The following SPAG6 variants were observed in gnomAD, a reference collection of about 807,000 sequenced individuals.
The protein encoded by SPAG6 is sperm associated antigen 6.
In SPAG6, 49 loss-of-function variants were observed where a neutral mutation model predicts 58.5. That is an observed-to-expected ratio of 0.84 (90% CI 0.67 to 1.06). The LOEUF (loss-of-function observed/expected upper bound fraction) is 1.06. Among genes scored for constraint, SPAG6 ranks in the 50% least tolerant of loss-of-function variants. The pLI is 0.00. For missense variants in SPAG6, 560 were observed against 611.3 expected, an observed-to-expected ratio of 0.92 and a Z score of 0.89; for synonymous variants, 233 against 225.6, an observed-to-expected ratio of 1.03 and a Z score of -0.29.
At chr10:22,406,765 G>T in intron 9 of SPAG6, among the ~76,000 whole-genome samples, 1 of 152,026 alleles carries the variant, frequency 6.6e-6, no homozygotes, top group Non-Finnish European at 1.5e-5. Context: ...TTATTGTGTG[G>T]GAGTCTAAGT....
At chr10:22,364,266 A>C (rs940840087) in intron 2 of SPAG6, among the ~76,000 whole-genome samples, 2 of 152,156 alleles carry the variant, frequency 1.3e-5, no homozygotes, top group African/African-American at 2.4e-5. Context: ...TTTATGGAAA[A>C]AAGTCCTTAG....
chr10:22,396,119 G>C (rs116237858), intron 8 of SPAG6, among the ~76,000 whole-genome samples: 2,696 of 152,186 alleles, frequency 0.018, 80 homozygotes, highest in African/African-American at 0.062. Context: ...GGGAGCGAAG[G>C]GGGAGGTGCT....
chr10:22,369,529 G>A lies in SPAG6; in HGVS notation c.472+851G>A, dbSNP rs1037495344. Among the ~76,000 whole-genome samples the A allele has an allele frequency of 2.6e-5, 4 of 152,262 alleles. No individual in the cohort carries two copies. The South Asian group carries it at 8.3e-4, about 32-fold the overall frequency. On this transcript the variant is annotated intron_variant, in intron 4 of 10. Transcript: ENST00000376624. ...GGGGTGGTGGCAGAAGAGTAAAGCA[G>A]CAATATAGCCAGGTGATTAAGAGCA...
At chr10:22,409,492 C>T (rs1329411878) in intron 9 of SPAG6, among the ~76,000 whole-genome samples, 1 of 152,112 alleles carries the variant, frequency 6.6e-6, no homozygotes, top group Admixed American at 6.5e-5. Flanking sequence ...CTTCAGGGAA[C>T]TTTATAATCT....
chr10:22,405,153 G>T (rs899554075), intron 9 of SPAG6, among the ~76,000 whole-genome samples: 2 of 151,980 alleles, frequency 1.3e-5, no homozygotes. Context: ...AATTGCCCTG[G>T]CCAGAACTTC....
chr10:22,393,763 C>A (rs560388365), intron 8 of SPAG6, among the ~76,000 whole-genome samples: 4 of 152,064 alleles, frequency 2.6e-5, no homozygotes, highest in African/African-American at 9.7e-5. Flanking sequence ...CCCACGGTCT[C>A]GTGAATTCTC....
intron 10 of SPAG6, chr10:22,412,487 G>C (rs1396873330): frequency 1.3e-6 from 2 of 1,530,916 alleles, no homozygotes; most frequent in African/African-American, 1.4e-5. Flanking sequence ...TTTTTAGGAA[G>C]TTTATGAGAA....
intron 2 of SPAG6, among the ~76,000 whole-genome samples, chr10:22,357,741 C>G (rs1237908616): frequency 2.7e-4 from 31 of 114,608 alleles, no homozygotes; most frequent in Non-Finnish European, 4.5e-4. Context: ...CCCCTCCCCC[C>G]ACCCCACAAC....
chr10:22,381,022 C>T (rs1049676516), intron 4 of SPAG6, among the ~76,000 whole-genome samples: 3 of 151,884 alleles, frequency 2.0e-5, no homozygotes, highest in African/African-American at 4.8e-5. Context: ...AAAGATTATT[C>T]GAGTATCATA....
intron 8 of SPAG6, among the ~76,000 whole-genome samples, chr10:22,392,346 T>A (rs1834201612): frequency 6.6e-6 from 1 of 152,158 alleles, no homozygotes; most frequent in Admixed American, 6.5e-5. Context: ...ATTTACCTCT[T>A]TAATTCCAAG....
Position 22,380,069 on chromosome 10 carries a change from C to T in SPAG6, c.473-6685C>T, listed in dbSNP as rs567945008. ...TTGGCCTCCCAAAGTGCTGGGACTA[C>T]CGGAGTGAGGCACTGCGCCTGGCCA... On this transcript the variant is annotated intron_variant, in intron 4 of 10. Coordinates refer to ENST00000376624, the MANE Select transcript of SPAG6 (RefSeq NM_012443.4). Among the ~76,000 whole-genome samples, 27 of 152,244 alleles carry T rather than the reference C, an allele frequency of 1.8e-4. No individual in the cohort carries two copies. In the South Asian group the frequency reaches 4.6e-3, roughly 26 times the overall value.
intron 7 of SPAG6, among the ~76,000 whole-genome samples, chr10:22,391,254 C>T (rs1415884408): frequency 1.3e-5 from 2 of 152,088 alleles, no homozygotes; most frequent in East Asian, 1.9e-4. Context: ...GAATATATTC[C>T]GCTGACAAGG....
chr10:22,386,009 A>T (rs962018526), intron 4 of SPAG6, among the ~76,000 whole-genome samples: 2 of 152,152 alleles, frequency 1.3e-5, no homozygotes, highest in Non-Finnish European at 2.9e-5. Context: ...GTCTCCCATT[A>T]TCTGTAATTT....
chr10:22,381,501 C>A (rs1244157283), intron 4 of SPAG6, among the ~76,000 whole-genome samples: 2 of 151,290 alleles, frequency 1.3e-5, no homozygotes, highest in Non-Finnish European at 2.9e-5. Flanking sequence ...ACTGCTCTCC[C>A]ACTCCCCGAC....
At chr10:22,386,285 A>T (rs1343643402) in intron 4 of SPAG6, among the ~76,000 whole-genome samples, 1 of 152,182 alleles carries the variant, frequency 6.6e-6, no homozygotes, top group Admixed American at 6.6e-5. Context: ...AAAGGAATTT[A>T]AAAATTGACA....
Position 22,416,910 on chromosome 10 carries a change from A to C in SPAG6, c.*222A>C. The C allele has an allele frequency of 2.7e-6, 1 of 370,718 alleles. No homozygotes were observed. Among genetic ancestry groups the C allele is most frequent in the Non-Finnish European group, 4.9e-6 (1 of 202,290 alleles). 23.0% of individuals were successfully genotyped at this position (370,718 alleles called of 1,614,324 possible). A position where few individuals can be genotyped will look rare whatever the true frequency, so the allele number is the denominator to read the frequency against. ...CATGCATAGGATTTGTTCTACAGGTAGATTTTAAAAACACGTTAAAGGGCC... is the reference window on the plus strand; with the variant it reads ...CATGCATAGGATTTGTTCTACAGGTCGATTTTAAAAACACGTTAAAGGGCC... On this transcript the variant is annotated 3_prime_UTR_variant, in exon 11 of 11. Transcript: ENST00000376624.
At chr10:22,390,716 T>C (rs1057090733) in intron 7 of SPAG6, among the ~76,000 whole-genome samples, 5 of 152,196 alleles carry the variant, frequency 3.3e-5, no homozygotes, top group Non-Finnish European at 7.4e-5. Flanking sequence ...GTGGGCTTTC[T>C]GGAAAGTTGC....
At chr10:22,397,882 CT>C (rs35415398) in intron 8 of SPAG6, among the ~76,000 whole-genome samples, 3 of 151,752 alleles carry the variant, frequency 2.0e-5, no homozygotes, top group East Asian at 1.9e-4. Context: ...TCCTAGCTGG[CT>C]TTTTTTTCCC....
At chr10:22,383,155 C>T (rs1157994629) in intron 4 of SPAG6, among the ~76,000 whole-genome samples, 1 of 152,060 alleles carries the variant, frequency 6.6e-6, no homozygotes, top group East Asian at 1.9e-4. Flanking sequence ...TTTTTTTGGT[C>T]AACCTTTTTT....
Sources: gnomAD v4.1 joint callset for allele counts (sites outside exome capture counted in the v4.1 genomes callset) on GRCh38, gnomAD v4.1.1 for gene constraint, MANE v1.5 for transcripts, NCBI Gene and HGNC (gene_info 2026-07-23, HGNC 2026-07-21) for gene names.